Variants in SYNE1 observed in about 807,000 individuals in gnomAD.
SYNE1 encodes spectrin repeat containing nuclear envelope protein 1.
A neutral mutation model predicts 1,111.0 loss-of-function variants in SYNE1; 616 were observed. The observed-to-expected ratio is 0.55, with a 90% CI of 0.52 to 0.59. The LOEUF is 0.59. Among genes scored for constraint, SYNE1 ranks in the 20% least tolerant of loss-of-function variants. The probability of loss-of-function intolerance (pLI) is 0.00; values close to 1 mark genes in which losing one functional copy is unlikely to be tolerated. For synonymous variants in SYNE1, 3,855 were observed against 3,825.8 expected, an observed-to-expected ratio of 1.01 and a Z score of -0.28; for missense variants, 10,006 against 10,417.0, an observed-to-expected ratio of 0.96 and a Z score of 1.72.
intron 95 of SYNE1, among the ~76,000 whole-genome samples, chr6:152,289,696 G>A (rs900645847): frequency 2.0e-5 from 3 of 151,676 alleles, no homozygotes; most frequent in Admixed American, 6.6e-5. Context: ...GCGCAATCTC[G>A]GTTCACTGCA....
At chr6:152,258,020 T>C (rs4869760) in intron 101 of SYNE1, among the ~76,000 whole-genome samples, 21,301 of 152,158 alleles carry the variant, frequency 0.14, 2,077 homozygotes, top group East Asian at 0.45. Flanking sequence ...CTGGCATCCA[T>C]ACAGAGAACA....
chr6:152,471,651 C>A lies in SYNE1; in HGVS notation c.1578G>T (p.Trp526Cys). ...ACTCTCTCCTCCCGTACTTAATGAT[C>A]CAAGACTTCAGCTTTGACTCTGCAA... The part of the protein sequence containing the change: ...LVLAESKLKS[W>C]IIKYGRRESV... The change falls in exon 16 of 146, where the codon TGG (tryptophan) becomes TGT (cysteine). Residue 526 changes from tryptophan to cysteine, a missense_variant. Physicochemically the swap from Trp to Cys is radical, Grantham distance 215. Around this residue, in one of 7 missense-constraint regions of SYNE1, gnomAD observed 1,971 missense variants for 2,084.1 expected, o/e 0.95. Transcript: ENST00000367255. 6.2e-7 allele frequency: 1 copy of A among 1,613,986 alleles called. No individual in the cohort carries two copies. The highest frequency in any genetic ancestry group is 1.3e-5 in the African/African-American group (1 of 75,026).
chr6:152,167,194 T>C (rs2063828011), intron 130 of SYNE1, among the ~76,000 whole-genome samples: 1 of 152,148 alleles, frequency 6.6e-6, no homozygotes, highest in Admixed American at 6.5e-5. Context: ...TACTATGAAA[T>C]CCAAATGTCC....
intron 74 of SYNE1, 109 bp from the exon 75 acceptor site, chr6:152,339,475 C>T: frequency 6.8e-7 from 1 of 1,478,220 alleles, no homozygotes; most frequent in East Asian, 2.4e-5. Flanking sequence ...TCTTGCTATG[C>T]TCAGTGTTTT....
At chr6:152,263,791 G>A (rs758717262) in intron 100 of SYNE1, among the ~76,000 whole-genome samples, 11 of 151,742 alleles carry the variant, frequency 7.2e-5, no homozygotes, top group Non-Finnish European at 1.5e-4. Context: ...ACTTCTCTGT[G>A]CCTCAATCTT....
chr6:152,174,750 T>C (rs991154821), intron 130 of SYNE1, among the ~76,000 whole-genome samples: 1 of 152,174 alleles, frequency 6.6e-6, no homozygotes, highest in African/African-American at 2.4e-5. Context: ...CCTTAGCCCC[T>C]GTATCTGTAA....
At chr6:152,189,786 T>C (rs1303707982) in intron 127 of SYNE1, among the ~76,000 whole-genome samples, 1 of 152,250 alleles carries the variant, frequency 6.6e-6, no homozygotes, top group Non-Finnish European at 1.5e-5. Flanking sequence ...CATAATCTTC[T>C]TGCTGGTGGA....
intron 12 of SYNE1, among the ~76,000 whole-genome samples, chr6:152,486,483 G>A (rs2098941191): frequency 6.6e-6 from 1 of 152,148 alleles, no homozygotes; most frequent in Non-Finnish European, 1.5e-5. Context: ...CTAAGCCTTT[G>A]TTTCCCTCAT....
intron 18 of SYNE1, among the ~76,000 whole-genome samples, chr6:152,463,904 C>T (rs1264674848): frequency 1.3e-5 from 2 of 152,070 alleles, no homozygotes; most frequent in African/African-American, 4.8e-5. Context: ...TATATAGCTT[C>T]CTTTTTTATT....
rs147714734 is a variant in SYNE1 at position 152,511,764 on chromosome 6, T to A, written c.310-661A>T. 3.9e-5 allele frequency among the ~76,000 whole-genome samples: 6 copies of A among 152,306 alleles called. No homozygotes were observed. The East Asian group carries it at 7.7e-4, about 20-fold the overall frequency. On this transcript the variant is annotated intron_variant, in intron 6 of 145. Transcript: ENST00000367255. The stretch of plus-strand genomic sequence containing the variant: ...GCAAGAAATAGCAAAACAGAGCCTA[T>A]TAGCATTCAGTTCCCTACTTTTGGG...
intron 16 of SYNE1, among the ~76,000 whole-genome samples, chr6:152,469,788 C>T (rs899795380): frequency 2.0e-5 from 3 of 151,928 alleles, no homozygotes; most frequent in Non-Finnish European, 2.9e-5. Flanking sequence ...GAGCGTGTGC[C>T]GCCAGGAGCA....
intron 127 of SYNE1, among the ~76,000 whole-genome samples, chr6:152,194,233 G>C (rs2073471810): frequency 7.5e-6 from 1 of 132,950 alleles, no homozygotes; most frequent in South Asian, 2.1e-4. Context: ...GTTTGAAAAA[G>C]TCTATTTTTC....
chr6:152,247,806 GAA>G (rs2087787221), intron 105 of SYNE1, among the ~76,000 whole-genome samples: 1 of 94,946 alleles, frequency 1.1e-5, no homozygotes, highest in African/African-American at 4.1e-5. Flanking sequence ...TAAATAAAAA[GAA>G]AAATGCACAC....
chr6:152,165,291 G>A (rs776005712), intron 130 of SYNE1, among the ~76,000 whole-genome samples: 6 of 152,078 alleles, frequency 3.9e-5, no homozygotes, highest in Non-Finnish European at 5.9e-5. Flanking sequence ...ATTTTTAGTT[G>A]CTTAAAATTG....
In SYNE1 at chr6:152,368,915, A is replaced by G; in HGVS notation, c.9807+57T>C. 3.7e-6 allele frequency: 6 copies of G among 1,612,476 alleles called. No individual in the cohort carries two copies. The South Asian group carries it at 5.5e-5, about 15-fold the overall frequency. On this transcript the variant is annotated intron_variant, in intron 61 of 145. Coordinates refer to ENST00000367255, the MANE Select transcript of SYNE1 (RefSeq NM_182961.4). ...ATGCACACCCTGCAGAACCTGCTGC[A>G]ACTCCAATTTTGCGACATCAGTATC...
rs1186253396 is a variant in SYNE1 at position 152,416,730 on chromosome 6, C to G, written c.5707G>C (p.Asp1903His). Residue 1903 changes from aspartate (D) to histidine (H), a missense_variant, in exon 41 of 146, where the codon GAT becomes CAT. Asp to His is a moderately conservative substitution (Grantham distance 81). Transcript: ENST00000367255. ...TCATTGAGGTCCTTTTCTATCAAAT[C>G]AGACTCGTTCTTATTCATACTGTTG... ...ATNSMNKNES[D>H]LIEKDLNDAL... The G allele has an allele frequency of 1.2e-6, 2 of 1,614,102 alleles. No individual in the cohort carries two copies. The highest frequency in any genetic ancestry group is 1.7e-6 in the Non-Finnish European group (2 of 1,180,052).
At chr6:152,536,379 T>TATA (rs1379074222) in intron 4 of SYNE1, among the ~76,000 whole-genome samples, 1 of 88,102 alleles carries the variant, frequency 1.1e-5, no homozygotes, top group African/African-American at 3.4e-5. Flanking sequence ...TATATAGTAA[T>TATA]ATATATATAT....
intron 59 of SYNE1, 92 bp downstream of exon 59, chr6:152,372,945 G>C: frequency 7.2e-7 from 1 of 1,379,850 alleles, no homozygotes; most frequent in Non-Finnish European, 1.0e-6. Context: ...TCATTGACAA[G>C]GGGGCTTTGA....
At chr6:152,573,388 G>A (rs1221161345) in intron 3 of SYNE1, among the ~76,000 whole-genome samples, 2 of 136,454 alleles carry the variant, frequency 1.5e-5, no homozygotes, top group African/African-American at 5.8e-5. Context: ...GTGTCCATGT[G>A]TTCTCATTGT....
Sources: gnomAD v4.1 joint callset for allele counts (sites outside exome capture counted in the v4.1 genomes callset) on GRCh38, gnomAD v4.1.1 for gene constraint, gnomAD v4.1.1 regional missense constraint, MANE v1.5 for transcripts, NCBI Gene and HGNC (gene_info 2026-07-23, HGNC 2026-07-21) for gene names.